Variants in TMEM9 observed in about 807,000 individuals in gnomAD.
TMEM9 encodes transmembrane protein 9.
Under a neutral mutation model 22.8 loss-of-function variants are expected in TMEM9, and 13 were observed. The observed-to-expected ratio is 0.57, with a 90% confidence interval of 0.37 to 0.91. The LOEUF is 0.91. Ranked by LOEUF, TMEM9 falls within the 40% of genes least tolerant of loss-of-function variation. TMEM9 has a pLI of 0.01. For synonymous variants in TMEM9, 88 were observed against 93.0 expected, an observed-to-expected ratio of 0.95 and a Z score of 0.31; for missense variants, 182 against 238.1, an observed-to-expected ratio of 0.76 and a Z score of 1.55.
chr1:201,158,185 A>G (rs1158073717), upstream of TMEM9, among the ~76,000 whole-genome samples: 1 of 152,196 alleles, frequency 6.6e-6, no homozygotes, highest in African/African-American at 2.4e-5. Context: ...AAGGCCAGCC[A>G]ATGCATTCTT....
Position 201,154,188 on chromosome 1 carries a change from G to A in TMEM9, c.-265C>T. On this transcript the variant is annotated 5_prime_UTR_variant, in exon 1 of 5. Transcript: ENST00000367330. ...GAGGGGTCCTCGAGGGGACACCGCT[G>A]CCAGGGGCCTCCAGTTCCTTCTCAA... The A allele has an allele frequency of 2.3e-6, 1 of 434,548 alleles. No homozygotes were observed. The highest frequency in any genetic ancestry group is 4.1e-6 in the Non-Finnish European group (1 of 241,998). 26.9% of individuals were successfully genotyped at this position (434,548 alleles called of 1,614,324 possible). A position where few individuals can be genotyped will look rare whatever the true frequency, so the allele number is the denominator to read the frequency against.
intron 4 of TMEM9, among the ~76,000 whole-genome samples, chr1:201,138,809 G>A (rs1400928317): frequency 6.6e-6 from 1 of 152,238 alleles, no homozygotes; most frequent in Non-Finnish European, 1.5e-5. Context: ...AGGCTGCATG[G>A]CTGTTTAGTG....
chr1:201,160,337 C>T (rs1665909155), intron 1 of TMEM9, among the ~76,000 whole-genome samples: 1 of 152,196 alleles, frequency 6.6e-6, no homozygotes, highest in African/African-American at 2.4e-5. Context: ...CGCCTGTAAT[C>T]CCAGCACTTT....
intron 1 of TMEM9, chr1:201,171,422 A>G (rs1024022845): frequency 6.6e-6 from 1 of 152,242 alleles, no homozygotes; most frequent in African/African-American, 2.4e-5. Flanking sequence ...CCCAGAAGAC[A>G]TAGCAGCACG....
chr1:201,160,875 G>A, intron 1 of TMEM9, among the ~76,000 whole-genome samples: 1 of 151,230 alleles, frequency 6.6e-6, no homozygotes, highest in Non-Finnish European at 1.5e-5. Context: ...GGCGGAGCTT[G>A]CAGTGAGCCG....
rs976709666 is a variant in TMEM9 at position 201,135,300 on chromosome 1, T to C, written c.*363A>G. 4.7e-5 allele frequency: 8 copies of C among 169,766 alleles called. No individual in the cohort carries two copies. Among genetic ancestry groups the C allele is most frequent in the East Asian group, 1.6e-4 (1 of 6,276 alleles). The allele number at this position is 169,766 out of a possible 1,614,324, so 10.5% of individuals were successfully genotyped here. A position where few individuals can be genotyped will look rare whatever the true frequency, so the allele number is the denominator to read the frequency against. Reference sequence around the variant, plus strand: ...GAGTTCCTGAAGACCCAGCTTTATCTTCCAAGGGTAACAACATTCCCAAGA... The same window carrying C: ...GAGTTCCTGAAGACCCAGCTTTATCCTCCAAGGGTAACAACATTCCCAAGA... On this transcript the variant is annotated 3_prime_UTR_variant, in exon 5 of 5. Transcript: ENST00000367330.
At chr1:201,161,739 C>T (rs1665952198) in intron 1 of TMEM9, among the ~76,000 whole-genome samples, 1 of 152,194 alleles carries the variant, frequency 6.6e-6, no homozygotes, top group Non-Finnish European at 1.5e-5. Flanking sequence ...GAAGAGCAGC[C>T]TTCAAGGCTA....
upstream of TMEM9, among the ~76,000 whole-genome samples, chr1:201,158,011 G>A (rs561224066): frequency 2.1e-4 from 32 of 152,308 alleles, no homozygotes; most frequent in Non-Finnish European, 2.6e-4. Context: ...ATTCAGGTGG[G>A]CCCAATCTAA....
chr1:201,150,809 T>C (rs1235176920), intron 2 of TMEM9, among the ~76,000 whole-genome samples: 1 of 152,066 alleles, frequency 6.6e-6, no homozygotes, highest in African/African-American at 2.4e-5. Context: ...GTACTGGAAA[T>C]GTGTATTTTC....
In TMEM9 at chr1:201,146,767, G is replaced by C; in HGVS notation, c.240C>G (p.Tyr80Ter). ...TGATGGTGGTGGTGCTGCGCTCCTC[G>C]TACCTGCACTCGCACAGCAGGCAGT... ...EAYCLLCECRYEERSTTTIKV... is the reference protein window; with the variant it reads ...EAYCLLCECR Residue 80 changes from tyrosine (Y) to a stop codon, truncating the protein, a stop_gained, in exon 3 of 5, where the codon TAC (tyrosine) becomes TAG (stop). Transcript: ENST00000367330. LOFTEE classifies it high-confidence loss of function. The C allele has an allele frequency of 1.2e-6, 2 of 1,614,188 alleles. No homozygotes were observed. The highest frequency in any genetic ancestry group is 1.7e-6 in the Non-Finnish European group (2 of 1,180,032).
chr1:201,138,915 T>C (rs564774697), intron 4 of TMEM9, among the ~76,000 whole-genome samples: 153 of 152,316 alleles, frequency 1.0e-3, no homozygotes, highest in Non-Finnish European at 1.8e-3. Flanking sequence ...GGAGCCAGCA[T>C]GGACAACCAA....
chr1:201,150,870 C>T (rs929572547), intron 2 of TMEM9, among the ~76,000 whole-genome samples: 1 of 152,164 alleles, frequency 6.6e-6, no homozygotes, highest in African/African-American at 2.4e-5. Context: ...TGACCCGGAC[C>T]TCTCATCTGA....
At chr1:201,150,166 C>G (rs993631501) in intron 2 of TMEM9, among the ~76,000 whole-genome samples, 3 of 152,142 alleles carry the variant, frequency 2.0e-5, no homozygotes, top group Non-Finnish European at 4.4e-5. Context: ...GGGATATAGC[C>G]TTGTTATCTG....
At chr1:201,153,758 G>C (rs1267756376) in intron 1 of TMEM9, 100 bp downstream of exon 1, 1 of 1,576,184 alleles carries the variant, frequency 6.3e-7, no homozygotes, top group East Asian at 2.4e-5. Context: ...TGAGTGAGAG[G>C]CAGGCTTAAG....
chr1:201,137,471 AACACACACACACACACAC>A (rs144662228), intron 4 of TMEM9, among the ~76,000 whole-genome samples: 41 of 146,562 alleles, frequency 2.8e-4, no homozygotes, highest in African/African-American at 6.3e-4. Flanking sequence ...CAAATTATCT[AACACACACACACACACAC>A]ACACACACAC....
intron 1 of TMEM9, among the ~76,000 whole-genome samples, chr1:201,167,198 C>G (rs2102297155): frequency 6.6e-6 from 1 of 152,292 alleles, no homozygotes; most frequent in Admixed American, 6.5e-5. Flanking sequence ...AAGACCGTGG[C>G]ACTGCAGTAC....
chr1:201,143,934 G>C lies in TMEM9; in HGVS notation c.285C>G (p.Tyr95Ter), dbSNP rs772652847. 2.5e-6 allele frequency: 4 copies of C among 1,614,126 alleles called. No homozygotes were observed. The East Asian group carries it at 6.7e-5, about 27-fold the overall frequency. The change falls in exon 4 of 5, where the codon TAC becomes TAG. Residue 95 changes from tyrosine (Y) to a stop codon, truncating the protein, a stop_gained. Coordinates refer to ENST00000367330, the MANE Select transcript of TMEM9 (RefSeq NM_001288565.2). LOFTEE classifies it high-confidence loss of function. ...GCAACAGGGCACCCACCACGGACAG[G>C]TAGATGACAATGATGACCTGAGGAA... is the stretch of plus-strand genomic sequence containing the variant. ...TTTIKVIIVI[Y>*]LSVVGALLLY...
intron 2 of TMEM9, among the ~76,000 whole-genome samples, chr1:201,150,706 C>T (rs1044448351): frequency 3.3e-5 from 5 of 152,178 alleles, no homozygotes; most frequent in Non-Finnish European, 7.3e-5. Flanking sequence ...TGCTCTGGAT[C>T]AACTGCATCC....
chr1:201,136,596 T>C (rs895995246), intron 4 of TMEM9, among the ~76,000 whole-genome samples: 3 of 152,118 alleles, frequency 2.0e-5, no homozygotes, highest in African/African-American at 7.2e-5. Flanking sequence ...CTCAGCTTCC[T>C]CCCTATCTGA....
Sources: allele counts gnomAD v4.1 joint callset (sites outside exome capture counted in the v4.1 genomes callset), GRCh38; gene constraint gnomAD v4.1.1; transcripts MANE v1.5; gene names NCBI Gene and HGNC (gene_info 2026-07-23, HGNC 2026-07-21).